The following COL5A2 variants were observed in gnomAD, a reference collection of about 807,000 sequenced individuals.
The protein encoded by COL5A2 is collagen alpha-2(V) chain.
In COL5A2, 23 loss-of-function variants were observed where a neutral mutation model predicts 208.2. The ratio of observed to expected loss-of-function variants is 0.11; its 90% CI spans 0.08 to 0.16. The LOEUF (loss-of-function observed/expected upper bound fraction) is 0.16, where lower values mean the gene tolerates loss of function less well. Among genes scored for constraint, COL5A2 ranks in the 10% least tolerant of loss-of-function variants. The pLI is 1.00. For missense variants in COL5A2, 1,590 were observed against 1,956.4 expected (o/e 0.81, Z 3.53); for synonymous variants, 625 against 628.5 (o/e 0.99, Z 0.08).
intron 1 of COL5A2, among the ~76,000 whole-genome samples, chr2:189,208,716 T>C (rs1689172714): frequency 6.6e-6 from 1 of 152,196 alleles, no homozygotes; most frequent in Admixed American, 6.5e-5. Flanking sequence ...GGAAGAGAGA[T>C]GATCTGTGTT....
At chr2:189,095,292 C>T (rs1686883502) in intron 6 of COL5A2, among the ~76,000 whole-genome samples, 1 of 152,130 alleles carries the variant, frequency 6.6e-6, no homozygotes, top group African/African-American at 2.4e-5. Context: ...TCATATACAT[C>T]ATTTCATGCA....
chr2:189,050,508 A>C, intron 43 of COL5A2, 61 bp downstream of exon 43: 1 of 1,343,890 alleles, frequency 7.4e-7, no homozygotes, highest in Non-Finnish European at 1.0e-6. Context: ...AATAAAATCA[A>C]TTCTCTAAAC....
rs71020980 is a variant in COL5A2, at chr2:189,059,585, G to GTTTTTTTTTTTT, written c.2086-704_2086-693dup. 9.1e-4 allele frequency among the ~76,000 whole-genome samples: 26 copies of GTTTTTTTTTTTT among 28,640 alleles called. 6 individuals carry two copies. Among genetic ancestry groups the GTTTTTTTTTTTT allele is most frequent in the East Asian group, 3.4e-3 (3 of 872 alleles). 18.8% of individuals were successfully genotyped at this position (28,640 alleles called of 152,430 possible). A position where few individuals can be genotyped will look rare whatever the true frequency, so the allele number is the denominator to read the frequency against. ...AAAAACCCTTCTTTTTTCTTTTCTGGTTTTTTTTTTTTTTTTTTTTTTTTT... is the reference window on the plus strand; with the variant it reads ...AAAAACCCTTCTTTTTTCTTTTCTGGTTTTTTTTTTTTTTTTTTTTTTTTTTTTTTTTTTTTT... On this transcript the variant is annotated intron_variant, in intron 31 of 53. Transcript: ENST00000374866.
rs564981830 is a variant in COL5A2, at chr2:189,033,509, A to G, written c.*561T>C. 7.7e-4 allele frequency: 119 copies of G among 153,586 alleles called. 1 individual carries two copies. The South Asian group carries it at 0.021, about 27-fold the overall frequency. The allele number at this position is 153,586 out of a possible 1,614,324, so 9.5% of individuals were successfully genotyped here. On this transcript the variant is annotated 3_prime_UTR_variant, in exon 54 of 54. Transcript: ENST00000374866. ...TTTTTTTTTAAGATTCTCCTTAAAG[A>G]GTCTCTATTATAGTTACACAATATC...
intron 1 of COL5A2, among the ~76,000 whole-genome samples, chr2:189,224,169 T>TA (rs34660235): frequency 0.63 from 94,125 of 149,480 alleles, 30,325 homozygotes; most frequent in East Asian, 0.73. Context: ...GGATAAAATC[T>TA]AAAAAAAAAA....
intron 42 of COL5A2, 135 bp from the exon 43 acceptor site, chr2:189,050,811 G>A: frequency 1.4e-6 from 1 of 699,436 alleles, no homozygotes; most frequent in Non-Finnish European, 2.5e-6. Context: ...AAATCATACT[G>A]CATATGAGTA....
At chr2:189,409,218 T>TTC in the COL5A2 span, among the ~76,000 whole-genome samples, 1 of 146,650 alleles carries the variant, frequency 6.8e-6, no homozygotes, top group African/African-American at 2.5e-5. Context: ...TTTTTTTTTT[T>TTC]TTTTTTTTTA....
the COL5A2 span, among the ~76,000 whole-genome samples, chr2:189,272,746 T>G: frequency 6.6e-6 from 1 of 152,128 alleles, no homozygotes; most frequent in Non-Finnish European, 1.5e-5. Context: ...TATACTCAAG[T>G]TTTTTAGATT....
chr2:189,419,908 A>G, the COL5A2 span, among the ~76,000 whole-genome samples: 1 of 141,680 alleles, frequency 7.1e-6, no homozygotes, highest in African/African-American at 2.6e-5. Flanking sequence ...GGAGAAGAGG[A>G]GGAGGAGAAG....
chr2:189,086,936 G>A (rs184226760), intron 8 of COL5A2, among the ~76,000 whole-genome samples, 166 bp from the exon 9 acceptor site: 2 of 152,346 alleles, frequency 1.3e-5, no homozygotes, highest in Admixed American at 1.3e-4. Flanking sequence ...AATTCAAGGA[G>A]ATTAAAGCTT....
intron 1 of COL5A2, among the ~76,000 whole-genome samples, chr2:189,113,646 AT>A (rs1388466912): frequency 1.3e-5 from 2 of 148,968 alleles, no homozygotes; most frequent in Non-Finnish European, 3.0e-5. Context: ...ATGTTTGTTT[AT>A]TGTATAAATC....
the COL5A2 span, among the ~76,000 whole-genome samples, chr2:189,383,432 AC>A: frequency 1.3e-5 from 2 of 152,032 alleles, no homozygotes; most frequent in Non-Finnish European, 2.9e-5. Flanking sequence ...CACTTTAACG[AC>A]CCCATCTCTA....
chr2:189,286,957 A>G, the COL5A2 span, among the ~76,000 whole-genome samples: 1 of 152,132 alleles, frequency 6.6e-6, no homozygotes, highest in East Asian at 1.9e-4. Context: ...TTAAGAATGA[A>G]CATCTACTTT....
upstream of COL5A2, among the ~76,000 whole-genome samples, chr2:189,229,376 CATGG>C (rs1689453211): frequency 1.3e-5 from 2 of 151,310 alleles, no homozygotes; most frequent in South Asian, 2.1e-4. Context: ...TATCCCTGTT[CATGG>C]ATGCATGATC....
chr2:189,061,245 A>G (rs1686025935), intron 30 of COL5A2, among the ~76,000 whole-genome samples: 1 of 152,196 alleles, frequency 6.6e-6, no homozygotes, highest in Admixed American at 6.5e-5. Context: ...ATAAAACAAA[A>G]TCAGCCTTAA....
At chr2:189,285,071 G>GGTGTGTGTGT in the COL5A2 span, among the ~76,000 whole-genome samples, 20,965 of 139,476 alleles carry the variant, frequency 0.15, 1,763 homozygotes, top group South Asian at 0.22. Context: ...GCATGCACAT[G>GGTGTGTGTGT]GTGTGTGTGT....
the COL5A2 span, among the ~76,000 whole-genome samples, chr2:189,304,719 C>A: frequency 6.6e-6 from 1 of 152,168 alleles, no homozygotes; most frequent in South Asian, 2.1e-4. Context: ...GAGAATTGGG[C>A]AGGGACAAAT....
chr2:189,333,126 A>G, the COL5A2 span, among the ~76,000 whole-genome samples: 48 of 145,330 alleles, frequency 3.3e-4, no homozygotes, highest in South Asian at 7.3e-3. Context: ...AAATTGAATT[A>G]TCCAATCTTA....
At chr2:189,318,392 C>T in the COL5A2 span, among the ~76,000 whole-genome samples, 6 of 152,286 alleles carry the variant, frequency 3.9e-5, no homozygotes, top group East Asian at 1.2e-3. Context: ...TCACTTTAGC[C>T]TTTGATTTCT....
Sources: gnomAD v4.1 joint callset for allele counts (sites outside exome capture counted in the v4.1 genomes callset) on GRCh38, gnomAD v4.1.1 for gene constraint, MANE v1.5 for transcripts, NCBI Gene and HGNC (gene_info 2026-07-23, HGNC 2026-07-21) for gene names.